The following MYO1D variants were observed in gnomAD, a reference collection of about 807,000 sequenced individuals.
MYO1D encodes unconventional myosin-Id.
MYO1D carries 83 observed loss-of-function variants against 122.0 expected under a neutral mutation model. That is an observed-to-expected ratio of 0.68 (90% CI 0.57 to 0.82). The LOEUF (loss-of-function observed/expected upper bound fraction) is 0.82, where lower values mean the gene tolerates loss of function less well. MYO1D is among the 40% of genes least tolerant of loss of function. MYO1D has a pLI of 0.00. For synonymous variants in MYO1D, 464 were observed against 446.9 expected, an observed-to-expected ratio of 1.04 and a Z score of -0.48; for missense variants, 1,157 against 1,269.5, an observed-to-expected ratio of 0.91 and a Z score of 1.35.
At chr17:32,619,824 A>T (rs1292608106) in intron 20 of MYO1D, among the ~76,000 whole-genome samples, 3 of 152,182 alleles carry the variant, frequency 2.0e-5, no homozygotes, top group Non-Finnish European at 4.4e-5. Context: ...CTCAGTGCAA[A>T]ATAAAAAAAG....
chr17:32,717,875 A>T (rs1170272670), intron 15 of MYO1D, among the ~76,000 whole-genome samples: 4 of 152,186 alleles, frequency 2.6e-5, no homozygotes, highest in African/African-American at 9.7e-5. Context: ...TTTAATCTGA[A>T]GATTCGTCTT....
intron 1 of MYO1D, among the ~76,000 whole-genome samples, chr17:32,840,454 T>G (rs1465515949): frequency 6.6e-6 from 1 of 152,216 alleles, no homozygotes; most frequent in Non-Finnish European, 1.5e-5. Context: ...AAGCACAGCC[T>G]TGTCCATCTC....
intron 12 of MYO1D, among the ~76,000 whole-genome samples, chr17:32,748,715 C>A (rs567625169): frequency 7.2e-5 from 11 of 152,212 alleles, no homozygotes; most frequent in Admixed American, 5.9e-4. Context: ...AGGAACTGTA[C>A]GAAATGTACA....
At chr17:32,599,548 C>T (rs321170) in intron 21 of MYO1D, among the ~76,000 whole-genome samples, 6,685 of 152,290 alleles carry the variant, frequency 0.044, 194 homozygotes, top group East Asian at 0.076. Context: ...TTCTTAGTGG[C>T]ATCTAGAATG....
chr17:32,747,196 T>A (rs1284155706), intron 12 of MYO1D, among the ~76,000 whole-genome samples: 2 of 152,230 alleles, frequency 1.3e-5, no homozygotes, highest in African/African-American at 4.8e-5. Flanking sequence ...GAACAGCTAT[T>A]AAAATTTCTT....
intron 21 of MYO1D, among the ~76,000 whole-genome samples, chr17:32,601,695 A>C (rs2087564424): frequency 6.6e-6 from 1 of 152,224 alleles, no homozygotes; most frequent in South Asian, 2.1e-4. Context: ...CCAGAGACAT[A>C]AAGTGAGCAT....
chr17:32,765,624 A>G (rs910361034), intron 7 of MYO1D, among the ~76,000 whole-genome samples: 3 of 151,808 alleles, frequency 2.0e-5, no homozygotes, highest in African/African-American at 7.3e-5. Context: ...ACGCCCAGCT[A>G]ATTTTTTGTA....
intron 12 of MYO1D, among the ~76,000 whole-genome samples, chr17:32,747,280 A>G (rs917005972): frequency 1.3e-5 from 2 of 152,228 alleles, no homozygotes; most frequent in African/African-American, 2.4e-5. Context: ...AATGGATTAC[A>G]TGTAAAGAAT....
intron 21 of MYO1D, among the ~76,000 whole-genome samples, chr17:32,547,158 C>T (rs2044494769): frequency 2.0e-5 from 3 of 152,128 alleles, no homozygotes; most frequent in Admixed American, 2.0e-4. Context: ...CCTCCCACCT[C>T]TACCTCCCAA....
intron 15 of MYO1D, among the ~76,000 whole-genome samples, chr17:32,720,433 G>A (rs1268221361): frequency 6.6e-6 from 1 of 152,054 alleles, no homozygotes; most frequent in Admixed American, 6.6e-5. Flanking sequence ...CATGAAAAGG[G>A]TATGTAATTT....
intron 1 of MYO1D, among the ~76,000 whole-genome samples, chr17:32,816,811 A>T (rs1052268512): frequency 1.1e-4 from 17 of 152,138 alleles, no homozygotes; most frequent in African/African-American, 4.1e-4. Flanking sequence ...CAACATCAAA[A>T]CCTTAATCCA....
intron 10 of MYO1D, among the ~76,000 whole-genome samples, chr17:32,757,957 A>T (rs1477192764): frequency 1.3e-5 from 2 of 152,154 alleles, no homozygotes; most frequent in African/African-American, 2.4e-5. Flanking sequence ...CTCAATAGTT[A>T]AAATGATTTG....
chr17:32,859,629 T>A (rs1432819278), intron 1 of MYO1D, among the ~76,000 whole-genome samples: 1 of 152,226 alleles, frequency 6.6e-6, no homozygotes. Flanking sequence ...TCTTTTGGGG[T>A]CTCCCAGAAT....
chr17:32,586,867 C>A (rs555286667), intron 21 of MYO1D, among the ~76,000 whole-genome samples: 10 of 152,306 alleles, frequency 6.6e-5, no homozygotes, highest in Admixed American at 2.0e-4. Flanking sequence ...TCCAGTGTCT[C>A]AGGATGTGAG....
intron 1 of MYO1D, among the ~76,000 whole-genome samples, chr17:32,847,419 C>T (rs900889581): frequency 3.3e-5 from 5 of 152,218 alleles, no homozygotes; most frequent in Non-Finnish European, 5.9e-5. Context: ...GGCCACTTGC[C>T]ATTTTTTTCT....
At position 32,775,921 on chromosome 17, in the gene MYO1D, G is replaced by C. The variant is rs781469648; in HGVS notation, c.507C>G (p.Asn169Lys). Residue 169 changes from asparagine (N) to lysine (K), a missense_variant, in exon 4 of 22, where the codon AAC (asparagine) becomes AAG (lysine). Asn to Lys is a moderately conservative substitution (Grantham distance 94). Transcript: ENST00000318217. ...CAATAGGGTCACCCTTGAAGTCAAAGTTGATATCCATGTATTTTCCAAACC... is the reference window on the plus strand; with the variant it reads ...CAATAGGGTCACCCTTGAAGTCAAACTTGATATCCATGTATTTTCCAAACC... Reference protein sequence around the residue: ...SSRFGKYMDINFDFKGDPIGG... With the variant: ...SSRFGKYMDIKFDFKGDPIGG... 1.9e-6 allele frequency: 3 copies of C among 1,613,818 alleles called. No individual in the cohort carries two copies. The South Asian group carries it at 3.3e-5, about 18-fold the overall frequency.
At chr17:32,635,554 A>G (rs1022067398) in intron 20 of MYO1D, among the ~76,000 whole-genome samples, 9 of 152,156 alleles carry the variant, frequency 5.9e-5, no homozygotes, top group Admixed American at 3.9e-4. Flanking sequence ...TTAGCTGGGC[A>G]CGGTGGCAGG....
rs756167982 is a variant in MYO1D, at chr17:32,494,931, A to T, written c.2865-16T>A. 6.3e-7 allele frequency: 1 copy of T among 1,580,046 alleles called. No individual in the cohort carries two copies. Among genetic ancestry groups the T allele is most frequent in the Admixed American group, 1.8e-5 (1 of 57,074 alleles). Reference sequence around the variant, plus strand: ...GCGCTTCTCACTGCAGGAACCAAAAACACCAGACGGGCAGTTAGCAGGCAG... The same window carrying T: ...GCGCTTCTCACTGCAGGAACCAAAATCACCAGACGGGCAGTTAGCAGGCAG... On this transcript the variant is annotated splice_polypyrimidine_tract_variant and intron_variant, in intron 21 of 21. Transcript: ENST00000318217.
At chr17:32,745,408 A>G in intron 12 of MYO1D, 123 bp from the exon 13 acceptor site, 1 of 632,596 alleles carries the variant, frequency 1.6e-6, no homozygotes, top group Non-Finnish European at 2.8e-6. Context: ...AAAAGCTGAT[A>G]TTGTTCATCT....
Sources: gnomAD v4.1 joint callset for allele counts (sites outside exome capture counted in the v4.1 genomes callset) on GRCh38, gnomAD v4.1.1 for gene constraint, MANE v1.5 for transcripts, NCBI Gene and HGNC (gene_info 2026-07-23, HGNC 2026-07-21) for gene names.